The following CPNE4 variants were observed in gnomAD, a reference collection of about 807,000 sequenced individuals.
CPNE4 encodes the protein copine 4.
A neutral mutation model predicts 67.9 loss-of-function variants in CPNE4; 25 were observed. That is an observed-to-expected ratio of 0.37 (90% CI 0.27 to 0.51). The LOEUF (loss-of-function observed/expected upper bound fraction) is 0.51, where lower values mean the gene tolerates loss of function less well. Among genes scored for constraint, CPNE4 ranks in the 20% least tolerant of loss-of-function variants. The pLI, the probability that CPNE4 is intolerant of heterozygous loss-of-function variation, is 0.93. For synonymous variants in CPNE4, 242 were observed against 244.9 expected, an observed-to-expected ratio of 0.99 and a Z score of 0.11; for missense variants, 464 against 690.8, an observed-to-expected ratio of 0.67 and a Z score of 3.68.
chr3:131,808,133 TC>T (rs1487024501), intron 2 of CPNE4, among the ~76,000 whole-genome samples: 2 of 152,180 alleles, frequency 1.3e-5, no homozygotes, highest in African/African-American at 4.8e-5. Flanking sequence ...ATGTCCACTT[TC>T]AGGTATAAGG....
At chr3:131,721,661 C>T (rs2081892283) in intron 3 of CPNE4, among the ~76,000 whole-genome samples, 1 of 152,120 alleles carries the variant, frequency 6.6e-6, no homozygotes, top group Admixed American at 6.5e-5. Flanking sequence ...TCCCAAAGTG[C>T]TAGGATTACT....
intron 1 of CPNE4, among the ~76,000 whole-genome samples, chr3:131,980,261 C>G (rs2072872461): frequency 6.6e-6 from 1 of 152,096 alleles, no homozygotes; most frequent in Non-Finnish European, 1.5e-5. Context: ...GCCAGGGAAG[C>G]TTTCTTCTAT....
chr3:131,740,758 C>G (rs912424272), intron 2 of CPNE4, among the ~76,000 whole-genome samples: 2 of 152,210 alleles, frequency 1.3e-5, no homozygotes, highest in African/African-American at 4.8e-5. Flanking sequence ...CTGCTTAAAA[C>G]CTTCCGACAA....
intron 7 of CPNE4, among the ~76,000 whole-genome samples, chr3:131,663,535 A>G (rs2080182226): frequency 6.6e-6 from 1 of 152,176 alleles, no homozygotes; most frequent in Non-Finnish European, 1.5e-5. Context: ...AAAAGACAGT[A>G]TTTCTCAATG....
intron 2 of CPNE4, among the ~76,000 whole-genome samples, chr3:131,725,121 A>T (rs1376777668): frequency 2.0e-5 from 3 of 152,238 alleles, no homozygotes; most frequent in Non-Finnish European, 4.4e-5. Flanking sequence ...TCTCACTTTC[A>T]TATGAGTAAA....
intron 7 of CPNE4, among the ~76,000 whole-genome samples, chr3:131,617,594 A>T (rs1013623646): frequency 6.6e-6 from 1 of 152,194 alleles, no homozygotes; most frequent in Non-Finnish European, 1.5e-5. Flanking sequence ...GCTGATCTTT[A>T]TCATAACCCT....
chr3:131,880,304 A>G lies in CPNE4; in HGVS notation c.180+24960T>C, dbSNP rs141583083. Among the ~76,000 whole-genome samples, 1,429 of 151,954 alleles carry G rather than the reference A, an allele frequency of 9.4e-3. 17 individuals carry two copies. Among genetic ancestry groups the G allele is most frequent in the African/African-American group, 0.033 (1,366 of 41,392 alleles). The stretch of plus-strand genomic sequence containing the variant: ...CTAATTTTTTGTGTTTTTAGTAGAG[A>G]CGGGTTTTCACCATGTTAGCCAGGA... On this transcript the variant is annotated intron_variant, in intron 2 of 15. Coordinates refer to ENST00000429747, the MANE Select transcript of CPNE4 (RefSeq NM_130808.3).
At chr3:131,683,803 G>A (rs2080817170) in intron 6 of CPNE4, among the ~76,000 whole-genome samples, 1 of 152,196 alleles carries the variant, frequency 6.6e-6, no homozygotes, top group Non-Finnish European at 1.5e-5. Flanking sequence ...TCAGCCTGCA[G>A]TGGCAAAGAT....
At chr3:131,918,986 G>A (rs1419616197) in intron 1 of CPNE4, among the ~76,000 whole-genome samples, 1 of 152,136 alleles carries the variant, frequency 6.6e-6, no homozygotes, top group Non-Finnish European at 1.5e-5. Flanking sequence ...GCCGAAGTGA[G>A]AATGCCCAGG....
chr3:131,573,266 C>T (rs916955555), intron 10 of CPNE4, among the ~76,000 whole-genome samples: 7 of 152,068 alleles, frequency 4.6e-5, no homozygotes, highest in Non-Finnish European at 8.8e-5. Flanking sequence ...AGACTGCTCT[C>T]CTCACTCACA....
chr3:131,956,193 C>T (rs1033662104), intron 1 of CPNE4, among the ~76,000 whole-genome samples: 7 of 151,900 alleles, frequency 4.6e-5, no homozygotes, highest in South Asian at 2.1e-4. Context: ...TGTCAGTATC[C>T]GGTTTCAGTG....
At chr3:131,952,570 G>A (rs1180043192) in intron 1 of CPNE4, among the ~76,000 whole-genome samples, 2 of 84,472 alleles carry the variant, frequency 2.4e-5, no homozygotes, top group East Asian at 3.0e-4. Context: ...GGAGGGAGGT[G>A]GGGGGGTCAG....
At chr3:131,539,425 A>T (rs1935353945) in intron 15 of CPNE4, among the ~76,000 whole-genome samples, 1 of 151,896 alleles carries the variant, frequency 6.6e-6, no homozygotes, top group African/African-American at 2.4e-5. Flanking sequence ...AGGTCCTGTA[A>T]CAACATTTTA....
At chr3:131,814,447 A>G (rs1006242277) in intron 2 of CPNE4, among the ~76,000 whole-genome samples, 7 of 152,110 alleles carry the variant, frequency 4.6e-5, no homozygotes, top group African/African-American at 1.4e-4. Flanking sequence ...GGCCCAGGAA[A>G]TGCGTTCCTA....
At chr3:131,746,951 G>C (rs970284663) in intron 2 of CPNE4, among the ~76,000 whole-genome samples, 6 of 151,876 alleles carry the variant, frequency 4.0e-5, no homozygotes, top group Non-Finnish European at 8.8e-5. Flanking sequence ...TTGATTTTTT[G>C]GTAGTAGCCA....
intron 1 of CPNE4, among the ~76,000 whole-genome samples, chr3:131,954,199 C>T (rs1444547055): frequency 6.6e-6 from 1 of 151,596 alleles, no homozygotes; most frequent in African/African-American, 2.4e-5. Flanking sequence ...AATAAAGATA[C>T]ATAGAGAATG....
intron 2 of CPNE4, among the ~76,000 whole-genome samples, chr3:131,801,240 A>C (rs1286638926): frequency 6.6e-6 from 1 of 151,226 alleles, no homozygotes; most frequent in Non-Finnish European, 1.5e-5. Flanking sequence ...TTTTCTAAAA[A>C]GCTTATGCTG....
At chr3:132,006,705 A>G (rs965918269) in intron 1 of CPNE4, among the ~76,000 whole-genome samples, 3 of 149,846 alleles carry the variant, frequency 2.0e-5, no homozygotes, top group African/African-American at 7.4e-5. Context: ...TAAAAAGTTG[A>G]TTGAGAAATA....
intron 1 of CPNE4, among the ~76,000 whole-genome samples, chr3:131,936,308 C>T (rs762823727): frequency 1.1e-4 from 16 of 151,876 alleles, no homozygotes; most frequent in Non-Finnish European, 2.2e-4. Flanking sequence ...TGGATTTCCT[C>T]GTTTGTAAGT....
Sources: gnomAD v4.1 joint callset for allele counts (sites outside exome capture counted in the v4.1 genomes callset) on GRCh38, gnomAD v4.1.1 for gene constraint, MANE v1.5 for transcripts, NCBI Gene and HGNC (gene_info 2026-07-23, HGNC 2026-07-21) for gene names.